Variants in PITPNM2 observed in about 807,000 individuals in gnomAD.
The protein encoded by PITPNM2 is membrane-associated phosphatidylinositol transfer protein 2.
A neutral mutation model predicts 132.2 loss-of-function variants in PITPNM2; 35 were observed. The ratio of observed to expected loss-of-function variants is 0.26; its 90% CI spans 0.20 to 0.35. PITPNM2 has a LOEUF of 0.35. Ranked by LOEUF, PITPNM2 falls within the 10% of genes least tolerant of loss-of-function variation. The probability of loss-of-function intolerance (pLI) is 1.00; values close to 1 mark genes in which losing one functional copy is unlikely to be tolerated. For missense variants in PITPNM2, 1,332 were observed against 1,912.0 expected (o/e 0.70, Z 5.66); for synonymous variants, 738 against 799.2 (o/e 0.92, Z 1.29).
At chr12:123,059,155 GAGCCCATGTGTTTCC>G (rs1398719176) in intron 2 of PITPNM2, among the ~76,000 whole-genome samples, 8 of 152,242 alleles carry the variant, frequency 5.3e-5, no homozygotes, top group African/African-American at 1.9e-4. Flanking sequence ...ACAGGCTGAA[GAGCCCATGTGTTTCC>G]AGTCAGAGAG....
chr12:123,021,806 T>A, intron 3 of PITPNM2: 1 of 709,778 alleles, frequency 1.4e-6, no homozygotes, highest in Non-Finnish European at 1.7e-6. Flanking sequence ...TCTTTCTGTG[T>A]GGTCTCTGAT....
chr12:123,067,350 G>A (rs2041457800), intron 2 of PITPNM2, among the ~76,000 whole-genome samples: 1 of 152,116 alleles, frequency 6.6e-6, no homozygotes, highest in South Asian at 2.1e-4. Context: ...CAGCTACTCA[G>A]GAGGCTGAGG....
chr12:123,038,370 T>A (rs1282161047), intron 2 of PITPNM2, among the ~76,000 whole-genome samples: 1 of 152,190 alleles, frequency 6.6e-6, no homozygotes, highest in African/African-American at 2.4e-5. Flanking sequence ...CACTCTGGGA[T>A]CTGACTGCAA....
intron 1 of PITPNM2, among the ~76,000 whole-genome samples, chr12:123,130,766 C>A (rs537906644): frequency 6.6e-6 from 1 of 151,928 alleles, no homozygotes; most frequent in Non-Finnish European, 1.5e-5. Context: ...GGTGACAGAG[C>A]GAGACTCCAT....
At chr12:123,039,754 C>T (rs2040396909) in intron 2 of PITPNM2, among the ~76,000 whole-genome samples, 1 of 152,094 alleles carries the variant, frequency 6.6e-6, no homozygotes, top group Non-Finnish European at 1.5e-5. Context: ...AAACAGGGCA[C>T]ATTGATGTGT....
At chr12:123,094,109 G>A (rs906270039) in intron 2 of PITPNM2, among the ~76,000 whole-genome samples, 4 of 152,252 alleles carry the variant, frequency 2.6e-5, no homozygotes, top group African/African-American at 9.6e-5. Context: ...CACTCCAGGT[G>A]TCACTGGGCC....
chr12:123,098,819 C>T (rs2042477785), intron 2 of PITPNM2, among the ~76,000 whole-genome samples: 1 of 152,124 alleles, frequency 6.6e-6, no homozygotes, highest in African/African-American at 2.4e-5. Flanking sequence ...CCTTCCCAGC[C>T]CAATCTCCAT....
intron 3 of PITPNM2, among the ~76,000 whole-genome samples, chr12:123,021,197 C>A (rs774887904): frequency 1.7e-4 from 26 of 152,168 alleles, no homozygotes; most frequent in Admixed American, 1.1e-3. Flanking sequence ...TGCTCCTTAC[C>A]CTGTGCCCAA....
In PITPNM2 at chr12:123,000,820, C is replaced by T; in HGVS notation, c.1182G>A (p.Glu394=). 1 of 1,614,106 alleles carries T rather than the reference C, an allele frequency of 6.2e-7. No individual in the cohort carries two copies. Among genetic ancestry groups the T allele is most frequent in the South Asian group, 1.1e-5 (1 of 91,082 alleles). ...QDGLYRQGAP[E]FRVASSVEQL... The stretch of plus-strand genomic sequence containing the variant: ...GCTCCACACTGGAGGCCACCCTGAA[C>T]TCAGGGGCACCCTGGCGGTACAGAC... Residue 394 remains glutamate, a synonymous_variant, in exon 10 of 26, where the codon GAG becomes GAA. Coordinates refer to ENST00000320201, the MANE Select transcript of PITPNM2 (RefSeq NM_020845.3). This position sits in a 1 kb window ranked among gnomAD's most constrained non-coding sequence, Gnocchi z 5.4.
At chr12:123,011,195 G>A (rs1016619177) in intron 5 of PITPNM2, among the ~76,000 whole-genome samples, 1 of 152,208 alleles carries the variant, frequency 6.6e-6, no homozygotes, top group African/African-American at 2.4e-5. Flanking sequence ...TTCTGCTCTA[G>A]CCAGGCCCTT....
intron 2 of PITPNM2, among the ~76,000 whole-genome samples, chr12:123,044,350 G>A (rs181010193): frequency 6.6e-6 from 1 of 152,306 alleles, no homozygotes; most frequent in East Asian, 1.9e-4. Context: ...AGTCCTTTAG[G>A]GGTGAAAGGT....
At chr12:123,094,352 T>C (rs753722423) in intron 2 of PITPNM2, among the ~76,000 whole-genome samples, 2 of 152,240 alleles carry the variant, frequency 1.3e-5, no homozygotes, top group Non-Finnish European at 2.9e-5. Context: ...GGCAGGCTCC[T>C]GGGAGGTGAC....
chr12:123,070,908 C>T (rs952618297), intron 2 of PITPNM2, among the ~76,000 whole-genome samples: 3 of 152,192 alleles, frequency 2.0e-5, no homozygotes, highest in African/African-American at 4.8e-5. Context: ...GGGATGTCAC[C>T]GAGTCACCAG....
chr12:123,137,803 G>T (rs1440274066), intron 1 of PITPNM2, among the ~76,000 whole-genome samples: 3 of 150,552 alleles, frequency 2.0e-5, no homozygotes, highest in African/African-American at 7.3e-5. Flanking sequence ...TGAGGCAGGA[G>T]AATCACTTGA....
At chr12:123,089,698 A>G (rs2042207985) in intron 2 of PITPNM2, 1 of 152,240 alleles carries the variant, frequency 6.6e-6, no homozygotes, top group African/African-American at 2.4e-5. Flanking sequence ...TGGATTAGCT[A>G]CTGCTCTAAG....
Position 123,115,480 on chromosome 12 carries a change from C to T in PITPNM2, c.-199-4992G>A, listed in dbSNP as rs538680393. On this transcript the variant is annotated intron_variant, in intron 1 of 25. Coordinates refer to ENST00000320201, the MANE Select transcript of PITPNM2 (RefSeq NM_020845.3). Reference sequence around the variant, plus strand: ...GGAAAGCAGAGCAGGGGAAGAGAAACTGAACAAGCCTTGCTGAACCATGCA... The same window carrying T: ...GGAAAGCAGAGCAGGGGAAGAGAAATTGAACAAGCCTTGCTGAACCATGCA... Among the ~76,000 whole-genome samples the T allele has an allele frequency of 1.3e-4, 20 of 152,192 alleles. No homozygotes were observed. The South Asian group carries it at 3.3e-3, about 25-fold the overall frequency.
At chr12:123,115,529 C>G (rs182022024) in intron 1 of PITPNM2, among the ~76,000 whole-genome samples, 2 of 152,036 alleles carry the variant, frequency 1.3e-5, no homozygotes, top group Admixed American at 1.3e-4. Flanking sequence ...GGAAAAAACC[C>G]AATACGCGCC....
rs909904488 is a variant in PITPNM2, at chr12:123,078,872, C to T, written c.-96+31513G>A. The stretch of plus-strand genomic sequence containing the variant: ...GATACTGGCTTCAGCCACCTGGCCC[C>T]ACTCATACTGGGAGCAGCGAAATGG... On this transcript the variant is annotated intron_variant, in intron 2 of 25. Coordinates refer to ENST00000320201, the MANE Select transcript of PITPNM2 (RefSeq NM_020845.3). This position sits in a 1 kb window ranked among gnomAD's most constrained non-coding sequence, Gnocchi z 7.3. Among the ~76,000 whole-genome samples the T allele has an allele frequency of 9.9e-5, 15 of 152,248 alleles. No individual in the cohort carries two copies. The highest frequency in any genetic ancestry group is 3.4e-4 in the African/African-American group (14 of 41,462).
At chr12:123,101,172 T>C (rs532744805) in intron 2 of PITPNM2, among the ~76,000 whole-genome samples, 3 of 152,370 alleles carry the variant, frequency 2.0e-5, no homozygotes, top group Admixed American at 6.5e-5. Flanking sequence ...GGTCAAAGTT[T>C]TTTCAAACCT....
Sources: allele counts gnomAD v4.1 joint callset (sites outside exome capture counted in the v4.1 genomes callset), GRCh38; gene constraint gnomAD v4.1.1; non-coding constraint Gnocchi (gnomAD v3.1); transcripts MANE v1.5; gene names NCBI Gene and HGNC (gene_info 2026-07-23, HGNC 2026-07-21).